ACAD11: variants seen among roughly 807,000 people sequenced by gnomAD.
ACAD11 encodes acyl-Coenzyme A dehydrogenase family, member 11.
A neutral mutation model predicts 102.2 loss-of-function variants in ACAD11; 83 were observed. The ratio of observed to expected loss-of-function variants is 0.81; its 90% CI spans 0.68 to 0.97. ACAD11 has a LOEUF of 0.97. ACAD11 is among the 50% of genes least tolerant of loss of function. ACAD11 has a pLI of 0.00. For missense variants in ACAD11, 901 were observed against 951.7 expected (o/e 0.95, Z 0.70); for synonymous variants, 324 against 319.8 (o/e 1.01, Z -0.14).
At chr3:132,569,704 A>T (rs1937324207) in intron 17 of ACAD11, among the ~76,000 whole-genome samples, 1 of 152,210 alleles carries the variant, frequency 6.6e-6, no homozygotes, top group African/African-American at 2.4e-5. Flanking sequence ...GTTGAGTGAA[A>T]ACAGCCAGTG....
chr3:132,602,722 C>T (rs1033575034), intron 13 of ACAD11, among the ~76,000 whole-genome samples: 1 of 152,154 alleles, frequency 6.6e-6, no homozygotes, highest in Non-Finnish European at 1.5e-5. Context: ...ACCTAACCAA[C>T]ATATGTTATT....
At chr3:132,636,271 G>A (rs989241724) in intron 5 of ACAD11, among the ~76,000 whole-genome samples, 10 of 152,066 alleles carry the variant, frequency 6.6e-5, no homozygotes, top group African/African-American at 1.7e-4. Flanking sequence ...TTACTAGTTC[G>A]TCTTACTGCT....
rs570687941 is a variant in ACAD11 at position 132,630,315 on chromosome 3, C to T, written c.963+122G>A. 1.9e-4 allele frequency: 208 copies of T among 1,090,436 alleles called. 4 individuals are homozygous for T. The East Asian group carries it at 5.1e-3, about 27-fold the overall frequency. The allele number at this position is 1,090,436 out of a possible 1,614,324, so 67.5% of individuals were successfully genotyped here. A position where few individuals can be genotyped will look rare whatever the true frequency, so the allele number is the denominator to read the frequency against. On this transcript the variant is annotated intron_variant, in intron 7 of 19. Coordinates refer to ENST00000264990, the MANE Select transcript of ACAD11 (RefSeq NM_032169.5). Reference sequence around the variant, plus strand: ...TTTATATTTTACCTATGTCTGATACCTGTCATTATGATAAGCCAAATGATC... The same window carrying T: ...TTTATATTTTACCTATGTCTGATACTTGTCATTATGATAAGCCAAATGATC...
At chr3:132,580,844 TA>T (rs1372807537) in intron 13 of ACAD11, among the ~76,000 whole-genome samples, 4 of 151,860 alleles carry the variant, frequency 2.6e-5, no homozygotes, top group African/African-American at 7.2e-5. Flanking sequence ...CAAGAATCTG[TA>T]GTATGTAAAA....
intron 12 of ACAD11, among the ~76,000 whole-genome samples, chr3:132,603,866 C>T (rs189010012): frequency 4.6e-5 from 7 of 152,330 alleles, no homozygotes; most frequent in Admixed American, 1.3e-4. Flanking sequence ...TTGCATGGCA[C>T]TTCAGAACTG....
chr3:132,590,915 G>T (rs1013901356), intron 13 of ACAD11, among the ~76,000 whole-genome samples: 3 of 152,160 alleles, frequency 2.0e-5, no homozygotes, highest in Admixed American at 2.0e-4. Context: ...ACCTTTGTCA[G>T]ATACATAGTT....
intron 17 of ACAD11, among the ~76,000 whole-genome samples, chr3:132,572,634 C>T (rs36150260): frequency 6.6e-6 from 1 of 152,360 alleles, no homozygotes; most frequent in East Asian, 1.9e-4. Context: ...TGTTACTTGA[C>T]TTCAAACTAT....
At chr3:132,647,527 A>G (rs1044127918) in intron 1 of ACAD11, 3 of 152,206 alleles carry the variant, frequency 2.0e-5, no homozygotes, top group African/African-American at 7.2e-5. Flanking sequence ...AGCCATCCAT[A>G]GCATTGGTTC....
intron 6 of ACAD11, among the ~76,000 whole-genome samples, chr3:132,630,780 G>A (rs755180398): frequency 1.3e-5 from 2 of 152,060 alleles, no homozygotes; most frequent in East Asian, 1.9e-4. Context: ...AAAATTTAAC[G>A]AAGAAAATGA....
At position 132,558,749 on chromosome 3, in the gene ACAD11, A is replaced by C. The variant is rs1437513221; in HGVS notation, c.*222T>G. The C allele has an allele frequency of 1.5e-5, 7 of 474,448 alleles. No individual in the cohort carries two copies. Among genetic ancestry groups the C allele is most frequent in the Middle Eastern group, 5.3e-4 (1 of 1,878 alleles). The allele number at this position is 474,448 out of a possible 1,614,324, so 29.4% of individuals were successfully genotyped here. A position where few individuals can be genotyped will look rare whatever the true frequency, so the allele number is the denominator to read the frequency against. ...ACTCCTGGCCTCAAGGAGGCACTAG[A>C]TTGAATGACAACAGCTACAGCATTT... On this transcript the variant is annotated 3_prime_UTR_variant, in exon 20 of 20. Transcript: ENST00000264990.
At chr3:132,563,882 T>G (rs1937138133) in intron 17 of ACAD11, among the ~76,000 whole-genome samples, 1 of 152,320 alleles carries the variant, frequency 6.6e-6, no homozygotes, top group East Asian at 1.9e-4. Flanking sequence ...GCATTTAGTC[T>G]TTCATCATTA....
At chr3:132,649,883 A>C (rs1041857140) in intron 1 of ACAD11, 1 of 152,206 alleles carries the variant, frequency 6.6e-6, no homozygotes, top group Non-Finnish European at 1.5e-5. Context: ...CATTCCTCCT[A>C]AACCCTTTGG....
intron 13 of ACAD11, among the ~76,000 whole-genome samples, chr3:132,598,492 T>G (rs1938414096): frequency 6.6e-6 from 1 of 152,210 alleles, no homozygotes; most frequent in Admixed American, 6.5e-5. Flanking sequence ...AGGTCATGCT[T>G]TGAGGAACTT....
Position 132,630,409 on chromosome 3 carries a change from G to A in ACAD11, c.963+28C>T, listed in dbSNP as rs749900252. On this transcript the variant is annotated intron_variant, in intron 7 of 19. Transcript: ENST00000264990. ...CAACAGTACACTGGTAAATAATGGC[G>A]AAACACACGTTTAAAACAATTAATT... 4.8e-5 allele frequency: 77 copies of A among 1,599,566 alleles called. 1 individual carries two copies. Among genetic ancestry groups the A allele is most frequent in the African/African-American group, 4.4e-4 (33 of 74,316 alleles).
intron 1 of ACAD11, among the ~76,000 whole-genome samples, chr3:132,655,655 TC>T (rs1937751871): frequency 1.3e-5 from 2 of 152,226 alleles, no homozygotes; most frequent in Non-Finnish European, 2.9e-5. Flanking sequence ...TTTCCTATTC[TC>T]TTTTCCTCCA....
intron 13 of ACAD11, among the ~76,000 whole-genome samples, chr3:132,593,291 C>T (rs1938159943): frequency 6.6e-6 from 1 of 151,726 alleles, no homozygotes; most frequent in Non-Finnish European, 1.5e-5. Context: ...ATAAAGAACA[C>T]CTAAAAATCA....
intron 12 of ACAD11, among the ~76,000 whole-genome samples, chr3:132,604,458 C>T (rs1938752340): frequency 6.6e-6 from 1 of 152,080 alleles, no homozygotes; most frequent in Non-Finnish European, 1.5e-5. Flanking sequence ...TAAATGTATG[C>T]TATGTTATAC....
intron 8 of ACAD11, 73 bp from the exon 9 acceptor site, chr3:132,626,890 A>ATGTGAAG: frequency 6.9e-7 from 1 of 1,458,960 alleles, no homozygotes; most frequent in Non-Finnish European, 9.1e-7. Context: ...TTCTAATATA[A>ATGTGAAG]TGTGAAGTTT....
intron 9 of ACAD11, among the ~76,000 whole-genome samples, chr3:132,620,729 G>C (rs574919492): frequency 6.6e-6 from 1 of 152,218 alleles, no homozygotes; most frequent in Non-Finnish European, 1.5e-5. Context: ...GAAAACCATA[G>C]AGATGAAACT....
Sources: gnomAD v4.1 joint callset for allele counts (sites outside exome capture counted in the v4.1 genomes callset) on GRCh38, gnomAD v4.1.1 for gene constraint, MANE v1.5 for transcripts, NCBI Gene and HGNC (gene_info 2026-07-23, HGNC 2026-07-21) for gene names.